TCP11: variants seen among roughly 807,000 people sequenced by gnomAD.
The protein encoded by TCP11 is t-complex 11, also known as T-complex protein 11 homolog.
In TCP11, 34 loss-of-function variants were observed where a neutral mutation model predicts 45.0. The observed-to-expected ratio is 0.76, with a 90% confidence interval of 0.57 to 1.01. The LOEUF (loss-of-function observed/expected upper bound fraction) is 1.01, where lower values mean the gene tolerates loss of function less well. Ranked by LOEUF, TCP11 falls within the 50% of genes least tolerant of loss-of-function variation. The probability of loss-of-function intolerance (pLI) is 0.00; values close to 1 mark genes in which losing one functional copy is unlikely to be tolerated. For synonymous variants in TCP11, 227 were observed against 227.0 expected (o/e 1.00, Z 0.00); for missense variants, 523 against 598.1 (o/e 0.87, Z 1.31).
intron 3 of TCP11, among the ~76,000 whole-genome samples, chr6:35,134,984 C>T (rs993357500): frequency 6.6e-6 from 1 of 152,016 alleles, no homozygotes; most frequent in African/African-American, 2.4e-5. Flanking sequence ...CCCATCTCCA[C>T]TAAAAATACA....
chr6:35,120,337 G>C lies in TCP11; in HGVS notation c.937C>G (p.Leu313Val). ...DLENEEFPET[L>V]LMDRTRLQEL... ...TGCAGCCGGGTTCTGTCCATCAGCA[G>C]GGTCTGGGAACCAGGGAAGAACAGG... is the stretch of plus-strand genomic sequence containing the variant. The change falls in exon 8 of 10, where the codon CTG becomes GTG. Residue 313 changes from leucine to valine, a missense_variant. Leu to Val is a conservative substitution (Grantham distance 32, BLOSUM62 1). Transcript: ENST00000311875. The surrounding 1 kb of genome is among the most constrained non-coding windows in gnomAD (Gnocchi z 4.9). 6.2e-7 allele frequency: 1 copy of C among 1,613,212 alleles called. No individual in the cohort carries two copies. The highest frequency in any genetic ancestry group is 2.2e-5 in the East Asian group (1 of 44,854).
intron 2 of TCP11, chr6:35,140,355 C>A: frequency 1.6e-6 from 1 of 620,926 alleles, no homozygotes; most frequent in Non-Finnish European, 2.8e-6. Flanking sequence ...AGACTGGGCC[C>A]AGGACACTAC....
At chr6:35,132,162 G>A (rs1286558303) in intron 3 of TCP11, among the ~76,000 whole-genome samples, 1 of 152,056 alleles carries the variant, frequency 6.6e-6, no homozygotes, top group Non-Finnish European at 1.5e-5. Flanking sequence ...GTAACACCTT[G>A]GGCTCAGCCA....
chr6:35,140,263 G>A (rs753259067), intron 2 of TCP11: 4 of 1,451,462 alleles, frequency 2.8e-6, no homozygotes, highest in South Asian at 2.4e-5. Context: ...GTCCCAGTGA[G>A]ACTGGACCTA....
intron 3 of TCP11, among the ~76,000 whole-genome samples, chr6:35,135,276 G>T (rs1335616914): frequency 6.6e-6 from 1 of 152,058 alleles, no homozygotes; most frequent in Non-Finnish European, 1.5e-5. Context: ...TTGGAGGAAA[G>T]CCAGCTGCCA....
intron 3 of TCP11, among the ~76,000 whole-genome samples, chr6:35,134,004 A>G (rs371619905): frequency 1.3e-4 from 20 of 151,504 alleles, no homozygotes; most frequent in Non-Finnish European, 2.1e-4. Context: ...AAGCTGGGGG[A>G]AAAAAAATCC....
At chr6:35,119,618 T>C (rs1039617778) in intron 8 of TCP11, among the ~76,000 whole-genome samples, 1 of 152,250 alleles carries the variant, frequency 6.6e-6, no homozygotes, top group African/African-American at 2.4e-5. Flanking sequence ...GGCACTGTGT[T>C]CTACTTCTTA....
intron 3 of TCP11, among the ~76,000 whole-genome samples, chr6:35,132,387 T>A (rs2127673624): frequency 6.6e-6 from 1 of 152,352 alleles, no homozygotes; most frequent in Non-Finnish European, 1.5e-5. Context: ...TTAAACTCTA[T>A]ATATGCATAG....
chr6:35,130,691 C>T (rs1383981388), intron 3 of TCP11, among the ~76,000 whole-genome samples: 1 of 151,810 alleles, frequency 6.6e-6, no homozygotes, highest in Non-Finnish European at 1.5e-5. Context: ...ATTAGAATGG[C>T]CAAAATCAGA....
chr6:35,140,533 T>C, intron 2 of TCP11: 1 of 659,354 alleles, frequency 1.5e-6, no homozygotes, highest in Non-Finnish European at 2.8e-6. Context: ...CAGATTCAAG[T>C]AATCACGCTT....
At chr6:35,140,672 G>A in intron 2 of TCP11, 75 bp downstream of exon 2, 1 of 756,956 alleles carries the variant, frequency 1.3e-6, no homozygotes. Flanking sequence ...GAAAACTTGG[G>A]GGATGGGGGG....
intron 2 of TCP11, among the ~76,000 whole-genome samples, chr6:35,138,193 C>T (rs543988329): frequency 6.6e-6 from 1 of 152,244 alleles, no homozygotes; most frequent in South Asian, 2.1e-4. Flanking sequence ...CCTCAAAAAC[C>T]TAAAAATAGA....
chr6:35,134,244 CA>C (rs1043253226), intron 3 of TCP11, among the ~76,000 whole-genome samples: 80 of 150,378 alleles, frequency 5.3e-4, no homozygotes, highest in Non-Finnish European at 6.8e-4. Flanking sequence ...CATAGTATCG[CA>C]TATAACCTAT....
At chr6:35,128,899 T>C (rs1780113770) in intron 4 of TCP11, 163 bp downstream of exon 4, 5 of 892,460 alleles carry the variant, frequency 5.6e-6, no homozygotes, top group Non-Finnish European at 8.1e-6. Context: ...ATAATAATTT[T>C]TATATTAAAC....
At chr6:35,119,634 C>T (rs1016183881) in intron 8 of TCP11, among the ~76,000 whole-genome samples, 7 of 152,226 alleles carry the variant, frequency 4.6e-5, no homozygotes. Flanking sequence ...TCTTAGCAAA[C>T]AAGGTAAATG....
At chr6:35,125,183 CAAA>C (rs35594738) in intron 4 of TCP11, among the ~76,000 whole-genome samples, 5 of 71,022 alleles carry the variant, frequency 7.0e-5, no homozygotes, top group East Asian at 5.4e-4. Flanking sequence ...GACTCTGTCT[CAAA>C]AAAAAAAAAA....
rs577292696 is a variant in TCP11, at chr6:35,129,939, AATTTTTTT to A, written c.237-765_237-758del. 3.2e-4 allele frequency among the ~76,000 whole-genome samples: 49 copies of A among 152,062 alleles called. No individual in the cohort carries two copies. The South Asian group carries it at 9.8e-3, about 30-fold the overall frequency. On this transcript the variant is annotated intron_variant, in intron 3 of 9. Transcript: ENST00000311875. ...ACAGGCATGAGCCACCGTGCCAGCT[AATTTTTTT>A]ATTTTTTTATTTTTAGTAGAGATGG...
intron 2 of TCP11, chr6:35,140,028 C>T: frequency 6.2e-7 from 1 of 1,614,066 alleles, no homozygotes; most frequent in Non-Finnish European, 8.5e-7. Flanking sequence ...ACCTCAGGTT[C>T]ATAGCTGTTG....
At chr6:35,121,628 C>T (rs1480178157) in intron 5 of TCP11, among the ~76,000 whole-genome samples, 1 of 151,870 alleles carries the variant, frequency 6.6e-6, no homozygotes. Flanking sequence ...GCCTGGCCAA[C>T]ATGGTGAAAC....
Sources: gnomAD v4.1 joint callset for allele counts (sites outside exome capture counted in the v4.1 genomes callset) on GRCh38, gnomAD v4.1.1 for gene constraint, Gnocchi (gnomAD v3.1) non-coding constraint, MANE v1.5 for transcripts, NCBI Gene and HGNC (gene_info 2026-07-23, HGNC 2026-07-21) for gene names.